The following DLGAP5 variants were observed in gnomAD, a reference collection of about 807,000 sequenced individuals.
The protein encoded by DLGAP5 is DLG associated protein 5, also known as disks large-associated protein 5.
A neutral mutation model predicts 99.6 loss-of-function variants in DLGAP5; 90 were observed. The observed-to-expected ratio is 0.90, with a 90% confidence interval of 0.76 to 1.08. The LOEUF is 1.08. DLGAP5 is among the 50% of genes least tolerant of loss of function. DLGAP5 has a pLI of 0.00. For synonymous variants in DLGAP5, 311 were observed against 321.3 expected, an observed-to-expected ratio of 0.97 and a Z score of 0.34; for missense variants, 1,036 against 983.5, an observed-to-expected ratio of 1.05 and a Z score of -0.71.
chr14:55,160,338 T>A lies in DLGAP5; in HGVS notation c.1654-1597A>T, dbSNP rs181830528. 3.2e-3 allele frequency among the ~76,000 whole-genome samples: 489 copies of A among 150,688 alleles called. 4 individuals are homozygous for A. Among genetic ancestry groups the A allele is most frequent in the African/African-American group, 0.012 (474 of 40,980 alleles). On this transcript the variant is annotated intron_variant, in intron 13 of 18. Transcript: ENST00000247191. Reference sequence around the variant, plus strand: ...TGAACCTGGGAGGCAGAGGTTGCAGTGAGCCGAGATGGCGCCACTGTACTC... The same window carrying A: ...TGAACCTGGGAGGCAGAGGTTGCAGAGAGCCGAGATGGCGCCACTGTACTC...
chr14:55,152,007 T>C, intron 16 of DLGAP5, 66 bp from the exon 17 acceptor site: 1 of 1,495,462 alleles, frequency 6.7e-7, no homozygotes, highest in Non-Finnish European at 9.1e-7. Context: ...TTTAAAAGTC[T>C]TGTTGCTATT....
intron 7 of DLGAP5, among the ~76,000 whole-genome samples, chr14:55,178,576 T>C (rs1883162309): frequency 6.6e-6 from 1 of 152,318 alleles, no homozygotes; most frequent in Non-Finnish European, 1.5e-5. Context: ...GAAGCCAGCA[T>C]GGCAGTCAAA....
At chr14:55,190,140 T>C (rs1883560206) in intron 1 of DLGAP5, among the ~76,000 whole-genome samples, 2 of 152,104 alleles carry the variant, frequency 1.3e-5, no homozygotes, top group Non-Finnish European at 2.9e-5. Context: ...ATACAAGAAA[T>C]CATACAGTTT....
Position 55,148,482 on chromosome 14 carries a change from C to A in DLGAP5, c.2419-9G>T, listed in dbSNP as rs776313366. ...CTGCAGTTTAGACCTGGCTGGAGAA[C>A]AAATCCAGAGAAGTCAGTAAAGTAT... On this transcript the variant is annotated splice_polypyrimidine_tract_variant and intron_variant, in intron 18 of 18. Transcript: ENST00000247191. 1.4e-5 allele frequency: 22 copies of A among 1,613,728 alleles called. No homozygotes were observed. Among genetic ancestry groups the A allele is most frequent in the Non-Finnish European group, 1.2e-5 (14 of 1,179,932 alleles).
intron 2 of DLGAP5, among the ~76,000 whole-genome samples, chr14:55,187,232 G>T (rs910116939): frequency 2.6e-5 from 4 of 151,306 alleles, no homozygotes; most frequent in African/African-American, 9.7e-5. Context: ...TATCAACTAA[G>T]TTATTGCAGT....
chr14:55,162,934 A>T, intron 13 of DLGAP5, 37 bp downstream of exon 13: 1 of 1,110,970 alleles, frequency 9.0e-7, no homozygotes. Flanking sequence ...TCCTTAACTA[A>T]AAAAAAAAAA....
At chr14:55,152,458 A>C in intron 16 of DLGAP5, 132 bp downstream of exon 16, 1 of 608,356 alleles carries the variant, frequency 1.6e-6, no homozygotes. Flanking sequence ...TCATTGAAAC[A>C]AGAACTACAA....
At chr14:55,166,496 G>A (rs547936784) in intron 12 of DLGAP5, among the ~76,000 whole-genome samples, 12 of 152,174 alleles carry the variant, frequency 7.9e-5, no homozygotes, top group East Asian at 3.9e-4. Flanking sequence ...TTGGGAGGCC[G>A]AGGCGGGTGG....
intron 10 of DLGAP5, among the ~76,000 whole-genome samples, chr14:55,173,286 A>C (rs371587517): frequency 2.9e-5 from 3 of 102,772 alleles, no homozygotes; most frequent in African/African-American, 4.1e-4. Flanking sequence ...AAAAAAAAAA[A>C]ACAAAAAAAA....
At chr14:55,189,272 C>G in intron 1 of DLGAP5, 92 bp from the exon 2 acceptor site, 2 of 891,350 alleles carry the variant, frequency 2.2e-6, no homozygotes, top group Non-Finnish European at 3.5e-6. Context: ...ACTTCAGGGC[C>G]TTCTGAAATA....
chr14:55,152,140 A>C (rs1882040216), intron 16 of DLGAP5, among the ~76,000 whole-genome samples, 199 bp from the exon 17 acceptor site: 2 of 152,170 alleles, frequency 1.3e-5, no homozygotes, highest in African/African-American at 4.8e-5. Flanking sequence ...GATTGAAGGC[A>C]AGTTTCTCAG....
intron 15 of DLGAP5, 69 bp downstream of exon 15, chr14:55,154,548 T>C (rs1398251816): frequency 3.8e-5 from 51 of 1,328,134 alleles, no homozygotes; most frequent in Middle Eastern, 2.4e-4. Flanking sequence ...CCTTTTACCA[T>C]CTTAACAATC....
rs1410633485 is a variant in DLGAP5, at chr14:55,177,311, T to C, written c.800A>G (p.Glu267Gly). 1 of 1,606,034 alleles carries C rather than the reference T, an allele frequency of 6.2e-7. No individual in the cohort carries two copies. The highest frequency in any genetic ancestry group is 1.1e-5 in the South Asian group (1 of 89,302). ...DKGISCKVDS[E>G]ENTLNSQTNA... The stretch of plus-strand genomic sequence containing the variant: ...AGTTTGTGAATTCAAAGTATTTTCT[T>C]CACTATCGACTTTACAAGAAATACC... Residue 267 changes from glutamate (E) to glycine (G), a missense_variant, in exon 8 of 19, where the codon GAA becomes GGA. Glu to Gly is a moderately conservative substitution (Grantham distance 98, BLOSUM62 -2). Transcript: ENST00000247191.
Position 55,151,940 on chromosome 14 carries a change from A to G in DLGAP5, c.2123T>C (p.Val708Ala). 1 of 1,605,414 alleles carries G rather than the reference A, an allele frequency of 6.2e-7. No homozygotes were observed. Among genetic ancestry groups the G allele is most frequent in the Non-Finnish European group, 8.5e-7 (1 of 1,176,884 alleles). The change falls in exon 17 of 19, where the codon GTT (valine) becomes GCT (alanine). Residue 708 changes from valine to alanine, a missense_variant and splice_region_variant. Val to Ala is a moderately conservative substitution (Grantham distance 64). Coordinates refer to ENST00000247191, the MANE Select transcript of DLGAP5 (RefSeq NM_014750.5). ...GLPDLIEENH[V>A]VNKTDLKVDC... is the part of the protein sequence containing the mutation. ...CACCTTCAAGTCTGTCTTATTTACAACCTGGAAGTAAAAATGGCATTATAT... is the reference window on the plus strand; with the variant it reads ...CACCTTCAAGTCTGTCTTATTTACAGCCTGGAAGTAAAAATGGCATTATAT...
chr14:55,182,080 T>TC (rs1467831048), intron 4 of DLGAP5, among the ~76,000 whole-genome samples: 2 of 152,168 alleles, frequency 1.3e-5, no homozygotes, highest in Non-Finnish European at 2.9e-5. Context: ...TGTGCTTTCC[T>TC]CCCCATATGC....
chr14:55,181,420 C>A (rs980951476), intron 4 of DLGAP5, 123 bp from the exon 5 acceptor site: 20 of 625,746 alleles, frequency 3.2e-5, no homozygotes, highest in Non-Finnish European at 4.9e-5. Context: ...ACAACAACAA[C>A]AAAAAACTAC....
In DLGAP5 at chr14:55,181,198, T is replaced by G. The variant is rs1245749117; in HGVS notation, c.580+15A>C. 6.2e-7 allele frequency: 1 copy of G among 1,609,390 alleles called. No individual in the cohort carries two copies. The highest frequency in any genetic ancestry group is 8.5e-7 in the Non-Finnish European group (1 of 1,177,494). On this transcript the variant is annotated intron_variant, in intron 5 of 18. Transcript: ENST00000247191. ...GTAGCCTCAGAGGATTTATAGTAAT[T>G]GCTAATATTCCTACCTTTTTTCTCT...
intron 1 of DLGAP5, among the ~76,000 whole-genome samples, 184 bp from the exon 2 acceptor site, chr14:55,189,364 T>C (rs111648932): frequency 6.6e-5 from 10 of 151,740 alleles, no homozygotes; most frequent in Non-Finnish European, 1.0e-4. Context: ...AGCTACCTAT[T>C]TGGGGGTTTT....
chr14:55,161,874 CAAAAAAAAAAAAAAAAA>C (rs34002442), intron 13 of DLGAP5, among the ~76,000 whole-genome samples: 11 of 37,960 alleles, frequency 2.9e-4, no homozygotes, highest in East Asian at 1.0e-3. Flanking sequence ...AACTCTGTCT[CAAAAAAAAAAAAAAAAA>C]AAAAAAAAAG....
Sources: gnomAD v4.1 joint callset for allele counts (sites outside exome capture counted in the v4.1 genomes callset) on GRCh38, gnomAD v4.1.1 for gene constraint, MANE v1.5 for transcripts, NCBI Gene and HGNC (gene_info 2026-07-23, HGNC 2026-07-21) for gene names.